The following CSMD1 variants were observed in gnomAD, a reference collection of about 807,000 sequenced individuals.
CSMD1 encodes the protein CUB and Sushi multiple domains 1, also known as CUB and sushi domain-containing protein 1.
CSMD1 carries 213 observed loss-of-function variants against 417.5 expected under a neutral mutation model. The observed-to-expected ratio is 0.51, with a 90% CI of 0.46 to 0.57. CSMD1 has a LOEUF of 0.57. Ranked by LOEUF, CSMD1 falls within the 20% of genes least tolerant of loss-of-function variation. CSMD1 has a pLI of 0.00. For missense variants in CSMD1, 6,923 were observed against 4,529.7 expected (o/e 1.53, Z -15.17); for synonymous variants, 2,862 against 1,736.8 (o/e 1.65, Z -16.11).
chr8:4,105,742 T>C (rs1229715802), intron 3 of CSMD1, among the ~76,000 whole-genome samples: 1 of 152,202 alleles, frequency 6.6e-6, no homozygotes, highest in Non-Finnish European at 1.5e-5. Context: ...TTCTGGATCG[T>C]AGTAAACATA....
At chr8:4,832,421 AGGAAGACTTT>A (rs1182574982) in intron 1 of CSMD1, among the ~76,000 whole-genome samples, 1 of 152,214 alleles carries the variant, frequency 6.6e-6, no homozygotes, top group East Asian at 1.9e-4. Context: ...TAAGAGCATC[AGGAAGACTTT>A]GGAGAAGAGG....
chr8:4,165,999 G>T (rs776382602), intron 3 of CSMD1, among the ~76,000 whole-genome samples: 4 of 152,130 alleles, frequency 2.6e-5, no homozygotes, highest in East Asian at 1.9e-4. Context: ...TGCAATTATG[G>T]GACTGTACAT....
chr8:3,415,896 T>C (rs1476343697), intron 12 of CSMD1, among the ~76,000 whole-genome samples: 1 of 152,226 alleles, frequency 6.6e-6, no homozygotes, highest in African/African-American at 2.4e-5. Context: ...AAGTGAGATT[T>C]TTTAAATTGC....
chr8:3,252,450 T>G (rs1395437804), intron 26 of CSMD1, among the ~76,000 whole-genome samples: 1 of 152,214 alleles, frequency 6.6e-6, no homozygotes, highest in Non-Finnish European at 1.5e-5. Context: ...GATATATTGT[T>G]GGATTCACTT....
intron 7 of CSMD1, among the ~76,000 whole-genome samples, chr8:3,645,013 G>T (rs1170236223): frequency 2.2e-5 from 3 of 133,530 alleles, no homozygotes; most frequent in Admixed American, 7.8e-5. Flanking sequence ...TTTCAAACTC[G>T]CATTTCTTCC....
chr8:4,308,051 C>A (rs1252109985), intron 3 of CSMD1, among the ~76,000 whole-genome samples: 1 of 152,148 alleles, frequency 6.6e-6, no homozygotes, highest in Non-Finnish European at 1.5e-5. Flanking sequence ...ATGGATCTGA[C>A]TTTCAGCCTC....
chr8:4,138,857 G>C (rs76604407), intron 3 of CSMD1, among the ~76,000 whole-genome samples: 44,976 of 151,910 alleles, frequency 0.3, 8,086 homozygotes, highest in Non-Finnish European at 0.39. Flanking sequence ...TTAATATATT[G>C]TGAATTATTT....
intron 2 of CSMD1, among the ~76,000 whole-genome samples, chr8:4,524,569 C>CTT (rs35453060): frequency 0.014 from 1,614 of 117,674 alleles, 14 homozygotes; most frequent in East Asian, 0.02. Context: ...CACACTTGGT[C>CTT]TTTTTTTTTT....
chr8:4,518,693 C>T (rs1022655748), intron 2 of CSMD1, among the ~76,000 whole-genome samples: 3 of 151,544 alleles, frequency 2.0e-5, no homozygotes, highest in Non-Finnish European at 2.9e-5. Flanking sequence ...TGCAGCACAC[C>T]AACGTGGCAC....
intron 4 of CSMD1, among the ~76,000 whole-genome samples, chr8:4,016,633 T>C (rs185300118): frequency 6.6e-6 from 1 of 152,340 alleles, no homozygotes; most frequent in East Asian, 1.9e-4. Context: ...GAGATGACTC[T>C]TTGCTTTGTC....
intron 3 of CSMD1, among the ~76,000 whole-genome samples, chr8:4,363,671 T>C (rs796075246): frequency 3.0e-4 from 45 of 152,316 alleles, no homozygotes; most frequent in African/African-American, 1.1e-3. Context: ...TTAAAAAGCA[T>C]TACATCGCTC....
At chr8:4,460,358 T>A (rs945334607) in intron 2 of CSMD1, among the ~76,000 whole-genome samples, 4 of 151,986 alleles carry the variant, frequency 2.6e-5, no homozygotes, top group African/African-American at 4.8e-5. Flanking sequence ...AAATTTAGAG[T>A]AGTAAATAAC....
chr8:4,223,491 G>C (rs1000788320), intron 3 of CSMD1, among the ~76,000 whole-genome samples: 3 of 152,372 alleles, frequency 2.0e-5, no homozygotes, highest in African/African-American at 7.2e-5. Context: ...AATTGGTAGA[G>C]ATGATTGCAC....
intron 26 of CSMD1, among the ~76,000 whole-genome samples, chr8:3,244,224 T>C (rs898160461): frequency 1.4e-4 from 22 of 152,280 alleles, no homozygotes; most frequent in South Asian, 4.1e-4. Context: ...GCGAGGCTGG[T>C]GGAACACTTT....
chr8:3,599,149 G>GTCTC (rs35279338), intron 8 of CSMD1, among the ~76,000 whole-genome samples: 2 of 146,408 alleles, frequency 1.4e-5, no homozygotes, highest in African/African-American at 5.3e-5. Context: ...GTGTGTGTGT[G>GTCTC]TCTGTGTGTG....
chr8:3,884,665 T>C (rs906888347), intron 5 of CSMD1, among the ~76,000 whole-genome samples: 2 of 152,108 alleles, frequency 1.3e-5, no homozygotes, highest in Non-Finnish European at 2.9e-5. Context: ...ATTCTGGATA[T>C]TCTTCTCTTT....
At chr8:3,823,476 G>A (rs920115045) in intron 5 of CSMD1, among the ~76,000 whole-genome samples, 1 of 152,102 alleles carries the variant, frequency 6.6e-6, no homozygotes, top group Admixed American at 6.6e-5. Flanking sequence ...TGCAACGAAT[G>A]TATTTTTGAA....
At chr8:3,157,728 G>A (rs564769138) in intron 39 of CSMD1, among the ~76,000 whole-genome samples, 169 bp downstream of exon 39, 2 of 152,208 alleles carry the variant, frequency 1.3e-5, no homozygotes, top group Admixed American at 6.5e-5. Context: ...AGTGGGGAAG[G>A]TGCAGGTTAA....
intron 27 of CSMD1, among the ~76,000 whole-genome samples, chr8:3,227,087 G>C (rs1233814828): frequency 6.6e-6 from 1 of 152,092 alleles, no homozygotes; most frequent in Non-Finnish European, 1.5e-5. Flanking sequence ...GGTTAAATCG[G>C]TGTGACTGCT....
Sources: gnomAD v4.1 joint callset for allele counts (sites outside exome capture counted in the v4.1 genomes callset) on GRCh38, gnomAD v4.1.1 for gene constraint, MANE v1.5 for transcripts, NCBI Gene and HGNC (gene_info 2026-07-23, HGNC 2026-07-21) for gene names.